ATXN1: variants seen among roughly 807,000 people sequenced by gnomAD.
The protein encoded by ATXN1 is ataxin-1.
ATXN1 carries 8 observed loss-of-function variants against 56.4 expected under a neutral mutation model. The ratio of observed to expected loss-of-function variants is 0.14; its 90% CI spans 0.08 to 0.26. The LOEUF (loss-of-function observed/expected upper bound fraction) is 0.26. Ranked by LOEUF, ATXN1 falls within the 10% of genes least tolerant of loss-of-function variation. The pLI, the probability that ATXN1 is intolerant of heterozygous loss-of-function variation, is 1.00. For missense variants in ATXN1, 987 were observed against 1,106.5 expected, an observed-to-expected ratio of 0.89 and a Z score of 1.53; for synonymous variants, 514 against 494.6, an observed-to-expected ratio of 1.04 and a Z score of -0.52.
chr6:16,490,123 C>A (rs138577769), intron 5 of ATXN1, among the ~76,000 whole-genome samples: 1 of 123,758 alleles, frequency 8.1e-6, no homozygotes, highest in Admixed American at 9.0e-5. Context: ...TTCAAAGAAG[C>A]GACAAATGAC....
chr6:16,326,294 A>T lies in ATXN1; in HGVS notation c.1917+100T>A. ...GTCTAAGGTCTAGGTGTACCCGAGA[A>T]CCCTTAATCCTGCCTCATAGAAGCA... On this transcript the variant is annotated intron_variant, in intron 7 of 7. Transcript: ENST00000436367. This position sits in a 1 kb window ranked among gnomAD's most constrained non-coding sequence, Gnocchi z 6.6. The T allele has an allele frequency of 6.5e-7, 1 of 1,534,872 alleles. No individual in the cohort carries two copies.
chr6:16,655,251 T>C (rs990398207), intron 3 of ATXN1, among the ~76,000 whole-genome samples: 1 of 152,178 alleles, frequency 6.6e-6, no homozygotes, highest in African/African-American at 2.4e-5. Context: ...CCAGGCACAG[T>C]GGTGCATGCC....
chr6:16,606,385 G>A (rs1763005108), intron 3 of ATXN1, among the ~76,000 whole-genome samples: 1 of 152,086 alleles, frequency 6.6e-6, no homozygotes, highest in Non-Finnish European at 1.5e-5. Flanking sequence ...GTTATTTCAT[G>A]GATACTATGA....
At chr6:16,455,443 T>C (rs917487103) in intron 6 of ATXN1, among the ~76,000 whole-genome samples, 1 of 152,180 alleles carries the variant, frequency 6.6e-6, no homozygotes, top group Non-Finnish European at 1.5e-5. Context: ...TGCAGAGCCA[T>C]AGGAACTCTC....
At chr6:16,480,691 G>T (rs1297115839) in intron 6 of ATXN1, among the ~76,000 whole-genome samples, 1 of 152,154 alleles carries the variant, frequency 6.6e-6, no homozygotes, top group Non-Finnish European at 1.5e-5. Context: ...GCACTATTCA[G>T]TTACAAAGCA....
chr6:16,375,126 C>T (rs1762118404), intron 6 of ATXN1, among the ~76,000 whole-genome samples: 1 of 152,208 alleles, frequency 6.6e-6, no homozygotes, highest in African/African-American at 2.4e-5. Context: ...TGCCCTCTCC[C>T]AGCAAAGACA....
chr6:16,663,042 G>A (rs1180581026), intron 2 of ATXN1, among the ~76,000 whole-genome samples: 1 of 145,376 alleles, frequency 6.9e-6, no homozygotes, highest in Admixed American at 7.1e-5. Flanking sequence ...GTGCAATGTC[G>A]GCTCGCTGCA....
At chr6:16,470,184 G>A (rs1462077595) in intron 6 of ATXN1, among the ~76,000 whole-genome samples, 1 of 152,130 alleles carries the variant, frequency 6.6e-6, no homozygotes, top group Non-Finnish European at 1.5e-5. Flanking sequence ...CTATAGCACA[G>A]ACAGACCTGA....
At chr6:16,363,012 C>A (rs1644983904) in intron 6 of ATXN1, among the ~76,000 whole-genome samples, 1 of 152,168 alleles carries the variant, frequency 6.6e-6, no homozygotes, top group African/African-American at 2.4e-5. Flanking sequence ...GCGATATAAT[C>A]TATATGTATG....
intron 3 of ATXN1, chr6:16,652,025 G>A (rs1490246524): frequency 6.6e-6 from 1 of 152,220 alleles, no homozygotes; most frequent in Non-Finnish European, 1.5e-5. Context: ...CCTGTTAGAA[G>A]AAAGTACATT....
At chr6:16,606,528 TTTTTTA>T (rs1228437466) in intron 3 of ATXN1, among the ~76,000 whole-genome samples, 1 of 151,766 alleles carries the variant, frequency 6.6e-6, no homozygotes, top group Non-Finnish European at 1.5e-5. Flanking sequence ...GTGGGTTTTT[TTTTTTA>T]TTTTTATTTT....
intron 4 of ATXN1, among the ~76,000 whole-genome samples, chr6:16,548,744 T>G (rs1761860734): frequency 6.6e-6 from 1 of 151,528 alleles, no homozygotes. Context: ...ACCAACAGAG[T>G]AAAACTCCGT....
In ATXN1 at chr6:16,452,983, T is replaced by C. The variant is rs949928881; in HGVS notation, c.-161+32989A>G. ...CCTTTAAGCATTATTAAACTTACTT[T>C]ATCACCATCATTTGCATCCAGACAA... On this transcript the variant is annotated intron_variant, in intron 6 of 7. Transcript: ENST00000436367. 3.5e-4 allele frequency among the ~76,000 whole-genome samples: 54 copies of C among 152,234 alleles called. 1 individual carries two copies. The highest frequency in any genetic ancestry group is 9.6e-5 in the African/African-American group (4 of 41,460).
intron 4 of ATXN1, among the ~76,000 whole-genome samples, chr6:16,560,747 G>C (rs915467134): frequency 2.0e-5 from 3 of 152,096 alleles, no homozygotes; most frequent in African/African-American, 4.8e-5. Context: ...TGATTCCCTT[G>C]AAGACACATT....
chr6:16,526,437 C>A (rs921574632), intron 4 of ATXN1, among the ~76,000 whole-genome samples: 1 of 152,130 alleles, frequency 6.6e-6, no homozygotes, highest in Non-Finnish European at 1.5e-5. Flanking sequence ...CAAACTAACA[C>A]ATATACCACA....
chr6:16,312,461 C>T (rs903590554), intron 7 of ATXN1, among the ~76,000 whole-genome samples: 3 of 151,518 alleles, frequency 2.0e-5, no homozygotes, highest in African/African-American at 7.3e-5. Flanking sequence ...TTTATGGCAC[C>T]GAGATAATAT....
intron 6 of ATXN1, among the ~76,000 whole-genome samples, chr6:16,370,423 C>T (rs1207044387): frequency 6.6e-6 from 1 of 152,114 alleles, no homozygotes; most frequent in Non-Finnish European, 1.5e-5. Context: ...CTGGCAAACA[C>T]GATTTTAAGA....
chr6:16,595,182 C>T (rs889612794), intron 3 of ATXN1, among the ~76,000 whole-genome samples: 10 of 152,088 alleles, frequency 6.6e-5, no homozygotes, highest in African/African-American at 2.4e-4. Flanking sequence ...GAAGAGAGGG[C>T]TGATTAGATG....
chr6:16,759,650 C>T (rs980336619), intron 1 of ATXN1, among the ~76,000 whole-genome samples: 1 of 140,334 alleles, frequency 7.1e-6, no homozygotes, highest in Non-Finnish European at 1.5e-5. Context: ...CAAAACAAAA[C>T]AGAGCAGCCA....
Sources: allele counts gnomAD v4.1 joint callset (sites outside exome capture counted in the v4.1 genomes callset), GRCh38; gene constraint gnomAD v4.1.1; non-coding constraint Gnocchi (gnomAD v3.1); transcripts MANE v1.5; gene names NCBI Gene and HGNC (gene_info 2026-07-23, HGNC 2026-07-21).